SUSD4: variants seen among roughly 807,000 people sequenced by gnomAD.
The protein encoded by SUSD4 is sushi domain containing 4, also known as sushi domain-containing protein 4.
SUSD4 carries 41 observed loss-of-function variants against 50.5 expected under a neutral mutation model. The ratio of observed to expected loss-of-function variants is 0.81; its 90% CI spans 0.63 to 1.05. The LOEUF (loss-of-function observed/expected upper bound fraction) is 1.05, where lower values mean the gene tolerates loss of function less well. SUSD4 is among the 50% of genes least tolerant of loss of function. SUSD4 has a pLI of 0.00. For missense variants in SUSD4, 580 were observed against 634.7 expected (o/e 0.91, Z 0.93); for synonymous variants, 257 against 257.3 (o/e 1.00, Z 0.01).
At chr1:223,272,396 T>C (rs182225914) in intron 3 of SUSD4, among the ~76,000 whole-genome samples, 1 of 152,266 alleles carries the variant, frequency 6.6e-6, no homozygotes, top group Non-Finnish European at 1.5e-5. Flanking sequence ...GGATTCAATA[T>C]AGTGAATAAA....
intron 5 of SUSD4, among the ~76,000 whole-genome samples, chr1:223,260,753 G>A (rs745876139): frequency 2.0e-5 from 3 of 152,202 alleles, no homozygotes; most frequent in Admixed American, 6.5e-5. Context: ...CACTATCCAT[G>A]AGTGCAATAG....
chr1:223,268,013 T>TTTTATATATATATATATATATATA (rs1553291076), intron 4 of SUSD4, among the ~76,000 whole-genome samples: 1 of 53,346 alleles, frequency 1.9e-5, no homozygotes, highest in Non-Finnish European at 3.0e-5. Context: ...CATGCATTTT[T>TTTTATATATATATATATATATATA]TATATATATA....
chr1:223,234,147 G>A (rs1038692178), intron 5 of SUSD4, among the ~76,000 whole-genome samples: 3 of 152,236 alleles, frequency 2.0e-5, no homozygotes, highest in African/African-American at 7.2e-5. Flanking sequence ...CCAAAGGATA[G>A]GGTGCTGAGG....
chr1:223,318,875 G>A (rs1666398162), intron 2 of SUSD4, among the ~76,000 whole-genome samples: 3 of 104,622 alleles, frequency 2.9e-5, no homozygotes, highest in African/African-American at 1.1e-4. Context: ...AACAAAGCTG[G>A]AGGCATCACA....
At chr1:223,294,800 C>T (rs1250949869) in intron 2 of SUSD4, among the ~76,000 whole-genome samples, 3 of 152,232 alleles carry the variant, frequency 2.0e-5, no homozygotes, top group Admixed American at 2.0e-4. Context: ...CTAAATACCC[C>T]AATAATACAA....
In SUSD4 at chr1:223,259,037, G is replaced by A. The variant is rs1236746113; in HGVS notation, c.724+5593C>T. Among the ~76,000 whole-genome samples the A allele has an allele frequency of 4.6e-5, 7 of 152,108 alleles. No individual in the cohort carries two copies. In the East Asian group the frequency reaches 1.3e-3, roughly 29 times the overall value. ...TTACAAATGTAATATTTAGAACCTA[G>A]CTCTGCCTGCGTGGAGAGTGCAATT... is the stretch of plus-strand genomic sequence containing the variant. On this transcript the variant is annotated intron_variant, in intron 5 of 8. Coordinates refer to ENST00000366878, the MANE Select transcript of SUSD4 (RefSeq NM_017982.4).
intron 2 of SUSD4, among the ~76,000 whole-genome samples, chr1:223,309,507 C>T (rs1476759302): frequency 6.6e-6 from 1 of 152,158 alleles, no homozygotes; most frequent in East Asian, 1.9e-4. Context: ...GTGCTCAGGA[C>T]TGGGGAGGGG....
chr1:223,246,423 T>A (rs1260560581), intron 5 of SUSD4, among the ~76,000 whole-genome samples: 1 of 152,140 alleles, frequency 6.6e-6, no homozygotes, highest in Non-Finnish European at 1.5e-5. Flanking sequence ...AGAAGTTTGC[T>A]GCAGGGAAGC....
intron 2 of SUSD4, among the ~76,000 whole-genome samples, chr1:223,341,919 G>A (rs936390340): frequency 2.6e-5 from 4 of 152,080 alleles, no homozygotes; most frequent in African/African-American, 4.8e-5. Context: ...GTAACTTCTC[G>A]GGGCCTCAGA....
intron 2 of SUSD4, among the ~76,000 whole-genome samples, chr1:223,298,867 C>G (rs1665007085): frequency 1.3e-5 from 2 of 152,222 alleles, no homozygotes; most frequent in African/African-American, 4.8e-5. Flanking sequence ...CCTCTGTTTT[C>G]AAGTAAGCAT....
intron 2 of SUSD4, among the ~76,000 whole-genome samples, chr1:223,347,032 T>TC (rs1668071291): frequency 6.6e-6 from 1 of 152,198 alleles, no homozygotes; most frequent in African/African-American, 2.4e-5. Context: ...ACTTTTTTTT[T>TC]CTGTGTGAAT....
At chr1:223,255,004 G>T (rs1271473437) in intron 5 of SUSD4, among the ~76,000 whole-genome samples, 1 of 152,150 alleles carries the variant, frequency 6.6e-6, no homozygotes, top group Non-Finnish European at 1.5e-5. Flanking sequence ...CACCCACCAG[G>T]GTCACAGGCA....
chr1:223,331,268 C>T (rs113096423), intron 2 of SUSD4, among the ~76,000 whole-genome samples: 77 of 152,300 alleles, frequency 5.1e-4, no homozygotes, highest in African/African-American at 1.8e-3. Flanking sequence ...AATTTGGGGG[C>T]GCTTTGGAGT....
chr1:223,323,796 T>C (rs544915221), intron 2 of SUSD4, among the ~76,000 whole-genome samples: 2 of 152,150 alleles, frequency 1.3e-5, no homozygotes, highest in African/African-American at 4.8e-5. Flanking sequence ...GGCCCACTGC[T>C]ATGAGGACAT....
intron 2 of SUSD4, among the ~76,000 whole-genome samples, chr1:223,330,866 C>T (rs933295763): frequency 6.6e-6 from 1 of 152,200 alleles, no homozygotes; most frequent in Non-Finnish European, 1.5e-5. Flanking sequence ...CTAGGGCCTC[C>T]ACATCACAGA....
chr1:223,316,832 C>T (rs1025097402), intron 2 of SUSD4, among the ~76,000 whole-genome samples: 1 of 152,168 alleles, frequency 6.6e-6, no homozygotes, highest in African/African-American at 2.4e-5. Context: ...CCTGCACAAC[C>T]GTCCCTAGAG....
chr1:223,275,205 C>T (rs998233502), intron 3 of SUSD4, among the ~76,000 whole-genome samples: 1 of 152,074 alleles, frequency 6.6e-6, no homozygotes, highest in Non-Finnish European at 1.5e-5. Flanking sequence ...CTGAAATTCT[C>T]AAAAGCATAA....
chr1:223,250,219 A>G (rs569584516), intron 5 of SUSD4, among the ~76,000 whole-genome samples: 1 of 152,358 alleles, frequency 6.6e-6, no homozygotes, highest in Non-Finnish European at 1.5e-5. Flanking sequence ...GAAATTTATA[A>G]GAATTAGAAA....
At position 223,221,217 on chromosome 1, in the gene SUSD4, G is replaced by A. The variant is rs1397048777; in HGVS notation, c.*975C>T. Reference sequence around the variant, plus strand: ...CACACTTCTTTTGAAGGTCGGATATGTTTACAGAAACAATTTCTGTTTTGG... The same window carrying A: ...CACACTTCTTTTGAAGGTCGGATATATTTACAGAAACAATTTCTGTTTTGG... On this transcript the variant is annotated 3_prime_UTR_variant, in exon 9 of 9. Coordinates refer to ENST00000366878, the MANE Select transcript of SUSD4 (RefSeq NM_017982.4). The A allele has an allele frequency of 5.0e-6, 2 of 399,590 alleles. No homozygotes were observed. The highest frequency in any genetic ancestry group is 4.4e-6 in the Non-Finnish European group (1 of 225,978). 24.8% of individuals were successfully genotyped at this position (399,590 alleles called of 1,614,324 possible). A position where few individuals can be genotyped will look rare whatever the true frequency, so the allele number is the denominator to read the frequency against.
Sources: allele counts gnomAD v4.1 joint callset (sites outside exome capture counted in the v4.1 genomes callset), GRCh38; gene constraint gnomAD v4.1.1; transcripts MANE v1.5; gene names NCBI Gene and HGNC (gene_info 2026-07-23, HGNC 2026-07-21).